FXYD2: variants seen among roughly 807,000 people sequenced by gnomAD.
FXYD2 encodes the protein FXYD domain containing ion transport regulator 2, also known as sodium/potassium-transporting ATPase subunit gamma.
Under a neutral mutation model 11.8 loss-of-function variants are expected in FXYD2, and 8 were observed. That is an observed-to-expected ratio of 0.68 (90% CI 0.40 to 1.22). FXYD2 has a LOEUF of 1.22. Among genes scored for constraint, FXYD2 ranks in the 50% most tolerant of loss-of-function variants. The pLI is 0.01. For synonymous variants in FXYD2, 42 were observed against 33.3 expected (o/e 1.26, Z -0.90); for missense variants, 92 against 91.8 (o/e 1.00, Z -0.01).
rs1303341433 is a variant in FXYD2 at position 117,820,706 on chromosome 11, G to A, written c.177-10C>T. 1 of 1,614,018 alleles carries A rather than the reference G, an allele frequency of 6.2e-7. No individual in the cohort carries two copies. Among genetic ancestry groups the A allele is most frequent in the Non-Finnish European group, 8.5e-7 (1 of 1,180,012 alleles). ...ATCTTCATTGATTTGCCTGGTGGGG[G>A]AAGGAAAAGCAACAGGTGAGAGGGC... On this transcript the variant is annotated splice_polypyrimidine_tract_variant and intron_variant, in intron 4 of 5. Coordinates refer to ENST00000292079, the MANE Select transcript of FXYD2 (RefSeq NM_001680.5).
chr11:117,822,771 C>T lies in FXYD2; in HGVS notation c.26-54G>A, dbSNP rs1352585469. 1.9e-6 allele frequency: 3 copies of T among 1,590,544 alleles called. No individual in the cohort carries two copies. Among genetic ancestry groups the T allele is most frequent in the Non-Finnish European group, 2.6e-6 (3 of 1,171,076 alleles). ...GGAGTCACCGATGGTGAGCCAGCCA[C>T]AGGAACAGCTGGAATTCCCTGTCCT... On this transcript the variant is annotated intron_variant, in intron 1 of 5. Transcript: ENST00000292079. The surrounding 1 kb of genome is among the most constrained non-coding windows in gnomAD (Gnocchi z 4.7).
At chr11:117,824,774 G>A, upstream of FXYD2, 1 of 1,499,134 alleles carries the variant, frequency 6.7e-7, no homozygotes, top group Non-Finnish European at 9.1e-7. The surrounding 1 kb of genome is among the most constrained non-coding windows in gnomAD (Gnocchi z 4.0). Flanking sequence ...CCGGGGACGA[G>A]GTGCGGGCAT....
chr11:117,820,875 C>A lies in FXYD2; in HGVS notation c.160G>T (p.Gly54Cys), dbSNP rs143620414. 3.1e-6 allele frequency: 5 copies of A among 1,613,774 alleles called. No homozygotes were observed. The African/African-American group carries it at 6.7e-5, about 22-fold the overall frequency. Residue 54 changes from glycine (G) to cysteine (C), a missense_variant, in exon 4 of 6, where the codon GGC (glycine) becomes TGC (cysteine). Gly to Cys is a radical substitution (Grantham distance 159, BLOSUM62 -3). Transcript: ENST00000292079. ...AGCGCTCACCTGCGCTTCTTATTGC[C>A]CCCACAGCGGAATCTTCTGCCTTGA... is the stretch of plus-strand genomic sequence containing the variant. ...ILLSRRFRCG[G>C]NKKRRQINED... is the part of the protein sequence containing the mutation.
chr11:117,825,134 C>T (rs1016858513), upstream of FXYD2, among the ~76,000 whole-genome samples: 1 of 152,180 alleles, frequency 6.6e-6, no homozygotes, highest in East Asian at 1.9e-4. Context: ...CCATGGATGC[C>T]GCCGCTGCAG....
chr11:117,822,716 G>A lies in FXYD2; in HGVS notation c.27C>T (p.Gly9=), dbSNP rs758335144. 1.2e-5 allele frequency: 20 copies of A among 1,609,364 alleles called. No homozygotes were observed. Among genetic ancestry groups the A allele is most frequent in the African/African-American group, 2.7e-5 (2 of 74,880 alleles). MTGLSMDG[G]GSPKGDVDPF... ...GGTCCACGTCCCCCTTGGGGCTGCC[G>A]CCTAGGAGAGAGCCAGAGGTGGGAT... is the stretch of plus-strand genomic sequence containing the variant. Residue 9 remains glycine (G), a splice_region_variant and synonymous_variant, in exon 2 of 6, where the codon GGC becomes GGT. Transcript: ENST00000292079. The surrounding 1 kb of genome is among the most constrained non-coding windows in gnomAD (Gnocchi z 4.7).
At chr11:117,827,230 C>T (rs561931728), upstream of FXYD2, among the ~76,000 whole-genome samples, 8 of 152,244 alleles carry the variant, frequency 5.3e-5, no homozygotes, top group South Asian at 1.7e-3. Flanking sequence ...TGCAAGGCAC[C>T]GTTTCAAGCA....
intron 5 of FXYD2, 74 bp downstream of exon 5, chr11:117,820,592 A>G: frequency 6.3e-7 from 1 of 1,586,274 alleles, no homozygotes; most frequent in South Asian, 1.1e-5. Context: ...CGAGTCCAGG[A>G]GCCAGAATTC....
chr11:117,825,986 C>G (rs1248902460), upstream of FXYD2, among the ~76,000 whole-genome samples: 1 of 152,224 alleles, frequency 6.6e-6, no homozygotes, highest in African/African-American at 2.4e-5. Flanking sequence ...CAGTCAATGA[C>G]TTCACCTCTC....
chr11:117,820,413 C>T (rs2055869239), intron 5 of FXYD2, 41 bp from the exon 6 acceptor site: 3 of 564,996 alleles, frequency 5.3e-6, no homozygotes, highest in Middle Eastern at 9.2e-4. Flanking sequence ...TGGGAGGCAG[C>T]AGAGGTTGGG....
chr11:117,827,950 G>A (rs1017188070), upstream of FXYD2: 3 of 1,310,938 alleles, frequency 2.3e-6, no homozygotes, highest in Non-Finnish European at 3.2e-6. Flanking sequence ...TGGCACCTGT[G>A]TTAGAGCCTG....
chr11:117,822,409 G>C lies in FXYD2; in HGVS notation c.136C>G (p.Leu46Val), dbSNP rs775583253. The change falls in exon 3 of 6, where the codon CTC becomes GTC. Residue 46 changes from leucine to valine, a missense_variant. Leu to Val is a conservative substitution (Grantham distance 32). Transcript: ENST00000292079. The surrounding 1 kb of genome is among the most constrained non-coding windows in gnomAD (Gnocchi z 4.7). The part of the protein sequence containing the change: ...LAFIVGLLIL[L>V]SRRFRCGGNK... ...CCCTGGAGGCCACCCCACTTACTGA[G>C]GAGGATGAGGAGCCCCACGATGAAG... 3 of 1,557,576 alleles carry C rather than the reference G, an allele frequency of 1.9e-6. No homozygotes were observed. The highest frequency in any genetic ancestry group is 2.6e-6 in the Non-Finnish European group (3 of 1,149,980).
At chr11:117,820,722 G>GAA (rs1274275297) in intron 4 of FXYD2, 26 bp from the exon 5 acceptor site, 1 of 1,613,856 alleles carries the variant, frequency 6.2e-7, no homozygotes, top group Non-Finnish European at 8.5e-7. Context: ...AAAGCAACAG[G>GAA]TGAGAGGGCA....
upstream of FXYD2, chr11:117,828,038 G>A (rs771177698): frequency 1.9e-6 from 3 of 1,550,540 alleles, no homozygotes; most frequent in Non-Finnish European, 2.6e-6. Flanking sequence ...GTTGTGTCCA[G>A]GAGTGCAGGA....
chr11:117,827,103 GAT>G (rs1446658945), upstream of FXYD2, among the ~76,000 whole-genome samples: 10 of 121,474 alleles, frequency 8.2e-5, no homozygotes, highest in African/African-American at 3.3e-4. Context: ...TAGATAGATA[GAT>G]AGATAGATAG....
chr11:117,822,142 A>T lies in FXYD2; in HGVS notation c.139+264T>A. On this transcript the variant is annotated intron_variant, in intron 3 of 5. Coordinates refer to ENST00000292079, the MANE Select transcript of FXYD2 (RefSeq NM_001680.5). This position sits in a 1 kb window ranked among gnomAD's most constrained non-coding sequence, Gnocchi z 4.7. ...AGTCCCCCTGTCTGGCCCTCCGGTTACCCAGTTACCCCGTGGGTTTGCTCT... is the reference window on the plus strand; with the variant it reads ...AGTCCCCCTGTCTGGCCCTCCGGTTTCCCAGTTACCCCGTGGGTTTGCTCT... 1 of 1,392,092 alleles carries T rather than the reference A, an allele frequency of 7.2e-7. No individual in the cohort carries two copies. The highest frequency in any genetic ancestry group is 9.3e-7 in the Non-Finnish European group (1 of 1,071,194). The allele number at this position is 1,392,092 out of a possible 1,614,324, so 86.2% of individuals were successfully genotyped here. A position where few individuals can be genotyped will look rare whatever the true frequency, so the allele number is the denominator to read the frequency against.
intron 1 of FXYD2, among the ~76,000 whole-genome samples, chr11:117,823,888 A>G (rs12284388): frequency 0.025 from 3,824 of 152,324 alleles, 148 homozygotes; most frequent in African/African-American, 0.087. Flanking sequence ...GTCAGTGCCC[A>G]TCCTGACGGG....
upstream of FXYD2, among the ~76,000 whole-genome samples, chr11:117,827,441 G>T (rs1442462560): frequency 6.6e-6 from 1 of 152,126 alleles, no homozygotes; most frequent in East Asian, 1.9e-4. Context: ...TAGAGACGGG[G>T]TTTCACCATG....
upstream of FXYD2, among the ~76,000 whole-genome samples, chr11:117,825,125 C>A (rs1207230685): frequency 6.6e-6 from 1 of 152,212 alleles, no homozygotes; most frequent in Non-Finnish European, 1.5e-5. Flanking sequence ...CACCAGCCAC[C>A]ATGGATGCCG....
upstream of FXYD2, chr11:117,824,819 G>A (rs2056000393): frequency 1.2e-5 from 13 of 1,127,088 alleles, no homozygotes; most frequent in Non-Finnish European, 1.7e-5. This position sits in a 1 kb window ranked among gnomAD's most constrained non-coding sequence, Gnocchi z 4.0. Context: ...ATTTACCCTG[G>A]TCACAAGAAA....
Sources: gnomAD v4.1 joint callset for allele counts (sites outside exome capture counted in the v4.1 genomes callset) on GRCh38, gnomAD v4.1.1 for gene constraint, Gnocchi (gnomAD v3.1) non-coding constraint, MANE v1.5 for transcripts, NCBI Gene and HGNC (gene_info 2026-07-23, HGNC 2026-07-21) for gene names.